TMEM200A: variants seen among roughly 807,000 people sequenced by gnomAD.
The protein encoded by TMEM200A is transmembrane protein 200A, also known as two transmembrane C.
Under a neutral mutation model 24.3 loss-of-function variants are expected in TMEM200A, and 12 were observed. The observed-to-expected ratio is 0.49, with a 90% CI of 0.32 to 0.80. The LOEUF (loss-of-function observed/expected upper bound fraction) is 0.80. TMEM200A is among the 30% of genes least tolerant of loss of function. The pLI, the probability that TMEM200A is intolerant of heterozygous loss-of-function variation, is 0.04. For synonymous variants in TMEM200A, 224 were observed against 224.4 expected (o/e 1.00, Z 0.02); for missense variants, 545 against 614.4 (o/e 0.89, Z 1.19).
chr6:130,424,455 A>G (rs1048812352), intron 2 of TMEM200A, among the ~76,000 whole-genome samples: 7 of 152,124 alleles, frequency 4.6e-5, no homozygotes, highest in African/African-American at 1.7e-4. Flanking sequence ...TTTCCCCCAA[A>G]GTCTCCAGAT....
At chr6:130,419,708 A>G (rs540134799) in intron 2 of TMEM200A, among the ~76,000 whole-genome samples, 115 of 152,318 alleles carry the variant, frequency 7.5e-4, no homozygotes, top group African/African-American at 2.7e-3. Flanking sequence ...AAGTAATTGA[A>G]TTTCCTTTGG....
chr6:130,368,467 T>G (rs1778235895), intron 1 of TMEM200A, among the ~76,000 whole-genome samples: 1 of 152,164 alleles, frequency 6.6e-6, no homozygotes, highest in Non-Finnish European at 1.5e-5. Context: ...AAAAATAACT[T>G]GTGCAGCAAC....
intron 2 of TMEM200A, among the ~76,000 whole-genome samples, chr6:130,435,341 A>T (rs187653284): frequency 6.6e-6 from 1 of 152,252 alleles, no homozygotes; most frequent in African/African-American, 2.4e-5. Context: ...TTTGAAGAAT[A>T]TGGAAACATT....
In TMEM200A at chr6:130,442,348, T is replaced by C. The variant is rs575288628; in HGVS notation, c.*450T>C. The C allele has an allele frequency of 6.0e-6, 1 of 167,042 alleles. No homozygotes were observed. Among genetic ancestry groups the C allele is most frequent in the East Asian group, 1.9e-4 (1 of 5,198 alleles). The allele number at this position is 167,042 out of a possible 1,614,324, so 10.3% of individuals were successfully genotyped here. On this transcript the variant is annotated 3_prime_UTR_variant, in exon 3 of 3. Transcript: ENST00000296978. Reference sequence around the variant, plus strand: ...CTTAGGATGTGATTTTCTGAATAATTGTTCTTTGTAGGATTTGGTTACATT... The same window carrying C: ...CTTAGGATGTGATTTTCTGAATAATCGTTCTTTGTAGGATTTGGTTACATT...
intron 2 of TMEM200A, among the ~76,000 whole-genome samples, chr6:130,425,023 A>G (rs1178971460): frequency 1.3e-5 from 2 of 151,902 alleles, no homozygotes; most frequent in Admixed American, 6.6e-5. Context: ...CTCCATCCCC[A>G]GAGTTCTTTT....
At position 130,412,951 on chromosome 6, in the gene TMEM200A, C is replaced by G. The variant is rs114958992; in HGVS notation, c.-16-27456C>G. On this transcript the variant is annotated intron_variant, in intron 2 of 2. Transcript: ENST00000296978. The stretch of plus-strand genomic sequence containing the variant: ...TTTGATGTCTGATTAATTCTGCATT[C>G]AGTGAGAAATGAATGTATATTTATA... Among the ~76,000 whole-genome samples the G allele has an allele frequency of 2.6e-3, 391 of 152,266 alleles. 3 individuals are homozygous for G. The highest frequency in any genetic ancestry group is 8.8e-3 in the African/African-American group (365 of 41,540).
intron 2 of TMEM200A, chr6:130,438,914 C>T (rs895725929): frequency 6.6e-6 from 1 of 152,088 alleles, no homozygotes; most frequent in African/African-American, 2.4e-5. Flanking sequence ...TGATGCCTAG[C>T]CAGATGTGGG....
intron 2 of TMEM200A, among the ~76,000 whole-genome samples, chr6:130,412,470 T>G (rs1429096285): frequency 1.3e-5 from 2 of 152,132 alleles, no homozygotes; most frequent in African/African-American, 4.8e-5. Flanking sequence ...TTCTAACACC[T>G]TGTGCTGGCC....
chr6:130,404,977 G>T (rs1054209790), intron 2 of TMEM200A, among the ~76,000 whole-genome samples: 2 of 152,058 alleles, frequency 1.3e-5, no homozygotes, highest in Non-Finnish European at 2.9e-5. Flanking sequence ...TAGTTGTGCG[G>T]TTATTTCTGG....
chr6:130,366,978 T>C lies in TMEM200A; in HGVS notation c.-81+454T>C, dbSNP rs1166556149. Among the ~76,000 whole-genome samples, 1 of 152,248 alleles carries C rather than the reference T, an allele frequency of 6.6e-6. No homozygotes were observed. The highest frequency in any genetic ancestry group is 1.5e-5 in the Non-Finnish European group (1 of 68,046). ...CAAAATTCAGCACTACTCTTCTCCCTGTAGTCTTGTCTGTAAGAGAAAGGA... is the reference window on the plus strand; with the variant it reads ...CAAAATTCAGCACTACTCTTCTCCCCGTAGTCTTGTCTGTAAGAGAAAGGA... On this transcript the variant is annotated intron_variant, in intron 1 of 2. Transcript: ENST00000296978. The surrounding 1 kb of genome is among the most constrained non-coding windows in gnomAD (Gnocchi z 4.4).
intron 1 of TMEM200A, among the ~76,000 whole-genome samples, chr6:130,380,857 C>T (rs1407614833): frequency 6.6e-6 from 1 of 152,066 alleles, no homozygotes; most frequent in African/African-American, 2.4e-5. Context: ...TATGATGGCT[C>T]ATGCCTGTAA....
intron 2 of TMEM200A, among the ~76,000 whole-genome samples, chr6:130,407,009 T>C (rs944844003): frequency 3.3e-5 from 5 of 152,204 alleles, no homozygotes; most frequent in African/African-American, 1.2e-4. Context: ...AATCTAGTTT[T>C]CTTGGTTTTG....
At chr6:130,411,900 G>A (rs879875259) in intron 2 of TMEM200A, among the ~76,000 whole-genome samples, 11 of 152,174 alleles carry the variant, frequency 7.2e-5, no homozygotes, top group African/African-American at 2.7e-4. Context: ...TACATCAAAT[G>A]TATGTAAATA....
At chr6:130,373,748 C>A (rs1007397591) in intron 1 of TMEM200A, among the ~76,000 whole-genome samples, 1 of 152,012 alleles carries the variant, frequency 6.6e-6, no homozygotes, top group Non-Finnish European at 1.5e-5. Flanking sequence ...ATTCGTGGAA[C>A]GATAATTCCT....
chr6:130,379,232 A>G (rs1383083262), intron 1 of TMEM200A, among the ~76,000 whole-genome samples: 1 of 151,868 alleles, frequency 6.6e-6, no homozygotes, highest in Non-Finnish European at 1.5e-5. Flanking sequence ...TGTGTGGAGA[A>G]TTTTTCAGAC....
rs1341210283 is a variant in TMEM200A, at chr6:130,366,772, C to A, written c.-81+248C>A. ...CCTCCAAGAACCCGGAGTACTGGAG[C>A]GCCTGGCTGGGTTTCTCCAAGCAAC... On this transcript the variant is annotated intron_variant, in intron 1 of 2. Transcript: ENST00000296978. The surrounding 1 kb of genome is among the most constrained non-coding windows in gnomAD (Gnocchi z 4.4). Among the ~76,000 whole-genome samples, 3 of 152,180 alleles carry A rather than the reference C, an allele frequency of 2.0e-5. No individual in the cohort carries two copies. The highest frequency in any genetic ancestry group is 7.2e-5 in the African/African-American group (3 of 41,456).
rs975819927 is a variant in TMEM200A at position 130,366,687 on chromosome 6, G to A, written c.-81+163G>A. On this transcript the variant is annotated intron_variant, in intron 1 of 2. Transcript: ENST00000296978. The surrounding 1 kb of genome is among the most constrained non-coding windows in gnomAD (Gnocchi z 4.4). ...TCCTAAAGTTTGGGAAATAAACCAA[G>A]TCCGCCATCAGGTCCAGACTCCCCA... is the stretch of plus-strand genomic sequence containing the variant. 89 of 624,342 alleles carry A rather than the reference G, an allele frequency of 1.4e-4. 1 individual carries two copies. Among genetic ancestry groups the A allele is most frequent in the Non-Finnish European group, 1.8e-4 (88 of 500,076 alleles). The allele number at this position is 624,342 out of a possible 1,614,324, so 38.7% of individuals were successfully genotyped here.
intron 1 of TMEM200A, among the ~76,000 whole-genome samples, chr6:130,379,322 T>A (rs754574075): frequency 1.3e-5 from 2 of 152,160 alleles, no homozygotes; most frequent in Non-Finnish European, 2.9e-5. Flanking sequence ...GGTTACAGCC[T>A]GCAGAGTGGC....
Position 130,441,996 on chromosome 6 carries a change from A to G in TMEM200A, c.*98A>G, listed in dbSNP as rs1780205348. ...TATTGGCTGTAAGCCTTTTTAATCA[A>G]ATGGTTTGTAGTGTATTAGAATTGG... On this transcript the variant is annotated 3_prime_UTR_variant, in exon 3 of 3. Coordinates refer to ENST00000296978, the MANE Select transcript of TMEM200A (RefSeq NM_001258277.2). 1 of 1,242,348 alleles carries G rather than the reference A, an allele frequency of 8.0e-7. No homozygotes were observed. The highest frequency in any genetic ancestry group is 1.6e-5 in the South Asian group (1 of 62,306). 77.0% of individuals were successfully genotyped at this position (1,242,348 alleles called of 1,614,324 possible). A position where few individuals can be genotyped will look rare whatever the true frequency, so the allele number is the denominator to read the frequency against.
Sources: gnomAD v4.1 joint callset for allele counts (sites outside exome capture counted in the v4.1 genomes callset) on GRCh38, gnomAD v4.1.1 for gene constraint, Gnocchi (gnomAD v3.1) non-coding constraint, MANE v1.5 for transcripts, NCBI Gene and HGNC (gene_info 2026-07-23, HGNC 2026-07-21) for gene names.